DAP: variants seen among roughly 807,000 people sequenced by gnomAD.
The protein encoded by DAP is death-associated protein 1.
Under a neutral mutation model 13.8 loss-of-function variants are expected in DAP, and 8 were observed. The observed-to-expected ratio is 0.58, with a 90% CI of 0.34 to 1.05. DAP has a LOEUF of 1.05. Ranked by LOEUF, DAP falls within the 50% of genes least tolerant of loss-of-function variation. The pLI is 0.03. For missense variants in DAP, 106 were observed against 133.2 expected, an observed-to-expected ratio of 0.80 and a Z score of 1.01; for synonymous variants, 47 against 47.5, an observed-to-expected ratio of 0.99 and a Z score of 0.04.
At chr5:10,722,479 ACTCT>A (rs896532472) in intron 2 of DAP, among the ~76,000 whole-genome samples, 1 of 150,558 alleles carries the variant, frequency 6.6e-6, no homozygotes, top group African/African-American at 2.5e-5. Flanking sequence ...TACTTAATAA[ACTCT>A]CTCTCTATAT....
chr5:10,734,378 T>C (rs1013872205), intron 2 of DAP: 2 of 152,242 alleles, frequency 1.3e-5, no homozygotes, highest in Admixed American at 1.3e-4. Context: ...TCAAAGCCTA[T>C]TACCAGAAGC....
intron 2 of DAP, among the ~76,000 whole-genome samples, chr5:10,709,365 A>T (rs1167586786): frequency 6.6e-6 from 1 of 152,216 alleles, no homozygotes; most frequent in Non-Finnish European, 1.5e-5. Flanking sequence ...ACACAGTGTG[A>T]CTACTGCATG....
intron 3 of DAP, chr5:10,683,233 G>A: frequency 2.1e-6 from 1 of 477,988 alleles, no homozygotes; most frequent in Non-Finnish European, 3.8e-6. Flanking sequence ...CAATACTGTG[G>A]GGTTCACTGC....
chr5:10,691,970 T>C (rs11133623), intron 2 of DAP, among the ~76,000 whole-genome samples: 37,952 of 152,090 alleles, frequency 0.25, 4,960 homozygotes, highest in Middle Eastern at 0.36. Flanking sequence ...TTAATGAAGA[T>C]TTATACCTTA....
intron 2 of DAP, among the ~76,000 whole-genome samples, chr5:10,736,213 G>T (rs920170740): frequency 6.6e-6 from 1 of 152,136 alleles, no homozygotes; most frequent in African/African-American, 2.4e-5. Context: ...CAAGCTTCTG[G>T]CCTCCACAAC....
chr5:10,699,564 C>T (rs2126644233), intron 2 of DAP, among the ~76,000 whole-genome samples: 1 of 152,326 alleles, frequency 6.6e-6, no homozygotes, highest in South Asian at 2.1e-4. Flanking sequence ...TTTGATGTGG[C>T]CGGTCTCTGT....
chr5:10,694,486 T>C (rs1187726146), intron 2 of DAP, among the ~76,000 whole-genome samples: 3 of 152,118 alleles, frequency 2.0e-5, no homozygotes, highest in Non-Finnish European at 4.4e-5. Context: ...CTAGGCTGCC[T>C]GGCGGGCTCT....
chr5:10,690,327 A>ATT (rs1738276318), intron 2 of DAP, among the ~76,000 whole-genome samples: 1 of 152,232 alleles, frequency 6.6e-6, no homozygotes, highest in African/African-American at 2.4e-5. Flanking sequence ...TTACAAAAAA[A>ATT]TTATGTACCA....
In DAP at chr5:10,709,727, C is replaced by T. The variant is rs372795758; in HGVS notation, c.153-26156G>A. 5.9e-5 allele frequency among the ~76,000 whole-genome samples: 9 copies of T among 152,310 alleles called. No individual in the cohort carries two copies. The East Asian group carries it at 1.5e-3, about 26-fold the overall frequency. On this transcript the variant is annotated intron_variant, in intron 2 of 3. Transcript: ENST00000230895. ...GCAGGCTTGGAACTCTGCTGCACAG[C>T]AGGGCTCCCACCCTCCACAAGGGCA...
At chr5:10,736,730 C>T (rs376231169) in intron 2 of DAP, among the ~76,000 whole-genome samples, 5 of 152,208 alleles carry the variant, frequency 3.3e-5, no homozygotes, top group Non-Finnish European at 7.4e-5. Context: ...CCAACAGCAA[C>T]GGGAATCTTC....
At chr5:10,744,755 C>T (rs919549293) in intron 2 of DAP, among the ~76,000 whole-genome samples, 16 of 152,330 alleles carry the variant, frequency 1.1e-4, no homozygotes, top group South Asian at 2.1e-4. Flanking sequence ...CTTATAGGTG[C>T]GGTGAGCACT....
chr5:10,695,572 C>T (rs887432042), intron 2 of DAP, among the ~76,000 whole-genome samples: 1 of 152,222 alleles, frequency 6.6e-6, no homozygotes, highest in Admixed American at 6.5e-5. Context: ...ATTGGTCTAA[C>T]AGCACCTTCT....
chr5:10,697,584 A>C (rs1359144408), intron 2 of DAP, among the ~76,000 whole-genome samples: 1 of 152,164 alleles, frequency 6.6e-6, no homozygotes, highest in Non-Finnish European at 1.5e-5. Context: ...TCATGTTATA[A>C]ATGGTTTAAT....
chr5:10,712,153 G>A (rs1738869793), intron 2 of DAP, among the ~76,000 whole-genome samples: 1 of 152,168 alleles, frequency 6.6e-6, no homozygotes, highest in South Asian at 2.1e-4. Flanking sequence ...CAGGCAGAGA[G>A]AGAAGACTGT....
At chr5:10,705,782 G>T (rs1234839648) in intron 2 of DAP, among the ~76,000 whole-genome samples, 1 of 152,136 alleles carries the variant, frequency 6.6e-6, no homozygotes, top group East Asian at 1.9e-4. Context: ...CTTTTGTTAT[G>T]ATTTGATATA....
chr5:10,701,536 T>C (rs980891641), intron 2 of DAP, among the ~76,000 whole-genome samples: 7 of 148,032 alleles, frequency 4.7e-5, no homozygotes, highest in Non-Finnish European at 4.4e-5. Context: ...CAATGTCAGA[T>C]GACATTGTAT....
intron 2 of DAP, among the ~76,000 whole-genome samples, chr5:10,716,408 A>G (rs1738992542): frequency 6.6e-6 from 1 of 152,124 alleles, no homozygotes; most frequent in South Asian, 2.1e-4. Context: ...CTGAGTGTCA[A>G]CTTGATTGGA....
At chr5:10,716,099 G>A (rs1177926103) in intron 2 of DAP, among the ~76,000 whole-genome samples, 1 of 152,152 alleles carries the variant, frequency 6.6e-6, no homozygotes, top group African/African-American at 2.4e-5. Flanking sequence ...TAGAAGTGTG[G>A]TGTCCTAGGG....
At chr5:10,752,846 A>G (rs1223218865) in intron 1 of DAP, among the ~76,000 whole-genome samples, 3 of 152,234 alleles carry the variant, frequency 2.0e-5, no homozygotes, top group African/African-American at 7.2e-5. Flanking sequence ...AATGCCTCCA[A>G]CAGGACCTGG....
Sources: allele counts gnomAD v4.1 joint callset (sites outside exome capture counted in the v4.1 genomes callset), GRCh38; gene constraint gnomAD v4.1.1; transcripts MANE v1.5; gene names NCBI Gene and HGNC (gene_info 2026-07-23, HGNC 2026-07-21).